Variants in RPA1 observed in about 807,000 individuals in gnomAD.
RPA1 encodes replication protein A 70 kDa DNA-binding subunit.
A neutral mutation model predicts 83.0 loss-of-function variants in RPA1; 49 were observed. That is an observed-to-expected ratio of 0.59 (90% CI 0.47 to 0.75). The LOEUF (loss-of-function observed/expected upper bound fraction) is 0.75, where lower values mean the gene tolerates loss of function less well. RPA1 is among the 30% of genes least tolerant of loss of function. The pLI is 0.00. For synonymous variants in RPA1, 279 were observed against 281.8 expected (o/e 0.99, Z 0.10); for missense variants, 693 against 776.1 (o/e 0.89, Z 1.27).
Position 1,844,695 on chromosome 17 carries a change from T to G in RPA1, c.272+9T>G. 1 of 1,599,656 alleles carries G rather than the reference T, an allele frequency of 6.3e-7. No individual in the cohort carries two copies. The highest frequency in any genetic ancestry group is 8.6e-7 in the Non-Finnish European group (1 of 1,168,120). ...ACTCTGAAAGACGGAAGGTATGTGC[T>G]GTGTTTTTTTCTGTCTTATTGTATC... On this transcript the variant is annotated intron_variant, in intron 4 of 16. Coordinates refer to ENST00000254719, the MANE Select transcript of RPA1 (RefSeq NM_002945.5).
intron 2 of RPA1, 33 bp downstream of exon 2, chr17:1,842,886 A>C (rs1177847434): frequency 1.5e-5 from 24 of 1,606,946 alleles, no homozygotes; most frequent in Non-Finnish European, 2.0e-5. Flanking sequence ...TTCCATGTCA[A>C]CTTCTTTGGA....
chr17:1,891,998 A>C, intron 15 of RPA1, 58 bp downstream of exon 15: 6 of 1,190,516 alleles, frequency 5.0e-6, no homozygotes, highest in Non-Finnish European at 5.9e-6. Flanking sequence ...ATTCTATAAC[A>C]CTGACCCCAC....
intron 5 of RPA1, among the ~76,000 whole-genome samples, chr17:1,860,562 T>C (rs552432948): frequency 6.6e-6 from 1 of 152,292 alleles, no homozygotes; most frequent in Admixed American, 6.5e-5. Flanking sequence ...ATAGTTTTTA[T>C]CCCTAGAAGC....
chr17:1,856,106 T>C (rs1332064905), intron 5 of RPA1, among the ~76,000 whole-genome samples: 2 of 152,120 alleles, frequency 1.3e-5, no homozygotes, highest in Admixed American at 1.3e-4. Flanking sequence ...AGCCGATCGC[T>C]TGCGCTTGGG....
intron 12 of RPA1, among the ~76,000 whole-genome samples, chr17:1,881,028 C>G (rs111827452): frequency 6.6e-6 from 1 of 152,198 alleles, no homozygotes; most frequent in Non-Finnish European, 1.5e-5. Context: ...CTCTGGGCCT[C>G]TGTGGCGTGG....
chr17:1,858,567 G>A (rs1912812002), intron 5 of RPA1: 2 of 646,610 alleles, frequency 3.1e-6, no homozygotes, highest in Middle Eastern at 4.3e-4. Flanking sequence ...GGGTTCAAGC[G>A]ATCCTCCCAC....
At chr17:1,842,970 CA>C (rs1912115705) in intron 2 of RPA1, 117 bp downstream of exon 2, 2 of 988,844 alleles carry the variant, frequency 2.0e-6, no homozygotes, top group South Asian at 1.4e-5. Flanking sequence ...CCCCCAGTCA[CA>C]AAAAATAGGC....
Position 1,888,867 on chromosome 17 carries a change from A to G in RPA1, c.1551+16A>G, listed in dbSNP as rs1914096577. The G allele has an allele frequency of 6.2e-7, 1 of 1,608,890 alleles. No individual in the cohort carries two copies. The highest frequency in any genetic ancestry group is 1.3e-5 in the African/African-American group (1 of 75,006). Reference sequence around the variant, plus strand: ...GATCCTGTCAGTAAGTAGCCTCGGTAGATGAGAACCACGGTTGTGTTCACG... The same window carrying G: ...GATCCTGTCAGTAAGTAGCCTCGGTGGATGAGAACCACGGTTGTGTTCACG... On this transcript the variant is annotated intron_variant, in intron 14 of 16. Coordinates refer to ENST00000254719, the MANE Select transcript of RPA1 (RefSeq NM_002945.5).
intron 5 of RPA1, among the ~76,000 whole-genome samples, chr17:1,869,486 C>T (rs1021369555): frequency 2.0e-5 from 3 of 151,592 alleles, no homozygotes; most frequent in African/African-American, 7.3e-5. Flanking sequence ...TGCAGTGAGC[C>T]GAGATGGCGC....
chr17:1,868,632 G>C (rs773940413), intron 5 of RPA1, among the ~76,000 whole-genome samples: 7 of 152,118 alleles, frequency 4.6e-5, no homozygotes, highest in Admixed American at 4.6e-4. Flanking sequence ...TTAGCCAGGC[G>C]TGATGGCGGG....
intron 14 of RPA1, among the ~76,000 whole-genome samples, chr17:1,889,589 C>T (rs1169403873): frequency 2.6e-5 from 4 of 152,146 alleles, no homozygotes; most frequent in Non-Finnish European, 4.4e-5. Context: ...CATCCTCCCA[C>T]CTCAGCCTTC....
rs971312202 is a variant in RPA1 at position 1,889,016 on chromosome 17, G to A, written c.1551+165G>A. ...ATCCGCTTTTTCATGCCAGAAAGTG[G>A]TGTTGAGATACCCCAGCTGATTCAG... is the stretch of plus-strand genomic sequence containing the variant. On this transcript the variant is annotated intron_variant, in intron 14 of 16. Transcript: ENST00000254719. Among the ~76,000 whole-genome samples, 7 of 152,162 alleles carry A rather than the reference G, an allele frequency of 4.6e-5. No individual in the cohort carries two copies. In the South Asian group the frequency reaches 1.2e-3, roughly 27 times the overall value.
chr17:1,882,590 A>T (rs2151288488), intron 12 of RPA1, among the ~76,000 whole-genome samples: 1 of 152,168 alleles, frequency 6.6e-6, no homozygotes, highest in South Asian at 2.1e-4. Flanking sequence ...ATCACTTGCC[A>T]GGAGGTGGAG....
chr17:1,838,214 C>T (rs527527129), intron 1 of RPA1, among the ~76,000 whole-genome samples: 1 of 151,652 alleles, frequency 6.6e-6, no homozygotes, highest in African/African-American at 2.4e-5. Flanking sequence ...TGGCGTGAAC[C>T]CGGGAGGCGG....
rs1913671252 is a variant in RPA1, at chr17:1,879,052, A to G, written c.750A>G (p.Glu250=). Reference sequence around the variant, plus strand: ...TGGACAAGTTCTTTCCTCTTATTGAAGTGAACAAGGTATGGCCGTGCTGAC... The same window carrying G: ...TGGACAAGTTCTTTCCTCTTATTGAGGTGAACAAGGTATGGCCGTGCTGAC... The part of the protein sequence containing the change: ...EQVDKFFPLI[E]VNKVYYFSKG... Residue 250 remains glutamate, a synonymous_variant, in exon 9 of 17, where the codon GAA becomes GAG. Coordinates refer to ENST00000254719, the MANE Select transcript of RPA1 (RefSeq NM_002945.5). 1 of 1,614,096 alleles carries G rather than the reference A, an allele frequency of 6.2e-7. No individual in the cohort carries two copies. The highest frequency in any genetic ancestry group is 1.1e-5 in the South Asian group (1 of 91,086).
rs186953590 is a variant in RPA1 at position 1,878,735 on chromosome 17, G to T, written c.691-258G>T. 3.3e-5 allele frequency among the ~76,000 whole-genome samples: 5 copies of T among 152,284 alleles called. No homozygotes were observed. The East Asian group carries it at 9.6e-4, about 29-fold the overall frequency. On this transcript the variant is annotated intron_variant, in intron 8 of 16. Coordinates refer to ENST00000254719, the MANE Select transcript of RPA1 (RefSeq NM_002945.5). ...TGTTCTGTTCTGTTTCTCAGTTGAG[G>T]CTAATGCAGCATGATTATGGGATCG...
intron 14 of RPA1, among the ~76,000 whole-genome samples, chr17:1,891,036 CATA>C (rs1376490772): frequency 6.6e-6 from 1 of 152,140 alleles, no homozygotes; most frequent in East Asian, 1.9e-4. Context: ...TATTTTTCGT[CATA>C]ACATTCTCTC....
chr17:1,896,131 G>A (rs1914410192), intron 16 of RPA1, among the ~76,000 whole-genome samples: 1 of 152,200 alleles, frequency 6.6e-6, no homozygotes, highest in Non-Finnish European at 1.5e-5. Flanking sequence ...ATTACATACA[G>A]AGAGACACGG....
intron 5 of RPA1, among the ~76,000 whole-genome samples, chr17:1,866,727 C>G (rs1245421601): frequency 6.6e-6 from 1 of 152,260 alleles, no homozygotes; most frequent in East Asian, 1.9e-4. Flanking sequence ...TCCCGAAGTG[C>G]TGGGATTACA....
Sources: allele counts gnomAD v4.1 joint callset (sites outside exome capture counted in the v4.1 genomes callset), GRCh38; gene constraint gnomAD v4.1.1; transcripts MANE v1.5; gene names NCBI Gene and HGNC (gene_info 2026-07-23, HGNC 2026-07-21).